CENPO: variants seen among roughly 807,000 people sequenced by gnomAD.
CENPO encodes centromere protein O.
A neutral mutation model predicts 36.1 loss-of-function variants in CENPO; 30 were observed. That is an observed-to-expected ratio of 0.83 (90% confidence interval 0.62 to 1.13). The LOEUF is 1.13. CENPO is among the 50% of genes most tolerant of loss of function. The pLI, the probability that CENPO is intolerant of heterozygous loss-of-function variation, is 0.00. For missense variants in CENPO, 349 were observed against 357.8 expected (o/e 0.98, Z 0.20); for synonymous variants, 171 against 142.3 (o/e 1.20, Z -1.44).
Position 24,820,168 on chromosome 2 carries a change from G to T in CENPO, c.*850G>T. ...GCGTTACGGGGGGAGCCTAGACTGAGGGCGGGTGGGGGCTTTGGGTGGTTG... is the reference window on the plus strand; with the variant it reads ...GCGTTACGGGGGGAGCCTAGACTGATGGCGGGTGGGGGCTTTGGGTGGTTG... On this transcript the variant is annotated 3_prime_UTR_variant, in exon 8 of 8. Coordinates refer to ENST00000380834, the MANE Select transcript of CENPO (RefSeq NM_001322101.2). 1.5e-6 allele frequency: 2 copies of T among 1,328,632 alleles called. No homozygotes were observed. The highest frequency in any genetic ancestry group is 2.4e-5 in the Admixed American group (1 of 42,356). The allele number at this position is 1,328,632 out of a possible 1,614,324, so 82.3% of individuals were successfully genotyped here.
chr2:24,818,106 T>G (rs1369247878), intron 7 of CENPO, among the ~76,000 whole-genome samples: 1 of 152,084 alleles, frequency 6.6e-6, no homozygotes, highest in Non-Finnish European at 1.5e-5. Flanking sequence ...TTGAAAAAGG[T>G]GTATCACTCA....
chr2:24,799,258 A>C (rs1016807775), intron 2 of CENPO, among the ~76,000 whole-genome samples: 10 of 152,120 alleles, frequency 6.6e-5, no homozygotes, highest in Admixed American at 1.3e-4. Context: ...TTGGCCCCCC[A>C]GAGTGCTAAG....
Position 24,820,150 on chromosome 2 carries a change from G to T in CENPO, c.*832G>T, listed in dbSNP as rs191188377. On this transcript the variant is annotated 3_prime_UTR_variant, in exon 8 of 8. Transcript: ENST00000380834. ...AGGGGGAGCAAGAACGTGGCGTTAC[G>T]GGGGGAGCCTAGACTGAGGGCGGGT... 3 of 1,505,800 alleles carry T rather than the reference G, an allele frequency of 2.0e-6. No individual in the cohort carries two copies. The highest frequency in any genetic ancestry group is 1.8e-4 in the Middle Eastern group (1 of 5,440). The allele number at this position is 1,505,800 out of a possible 1,614,324, so 93.3% of individuals were successfully genotyped here.
chr2:24,807,193 A>G (rs1283456779), intron 3 of CENPO, among the ~76,000 whole-genome samples: 2 of 151,732 alleles, frequency 1.3e-5, no homozygotes, highest in Admixed American at 1.3e-4. Context: ...TTAAAGTGTA[A>G]TATATATGAA....
intron 2 of CENPO, among the ~76,000 whole-genome samples, chr2:24,795,244 T>C (rs1228742835): frequency 6.6e-6 from 1 of 152,200 alleles, no homozygotes; most frequent in Non-Finnish European, 1.5e-5. Context: ...CACTTAGCTG[T>C]TACCCATACT....
chr2:24,793,459 G>T lies in CENPO; in HGVS notation c.-111G>T. ...AAGCACGCCGGGACCGGTTGGTTTG[G>T]TTTTGAAGACGTGGATGGCGGGAAT... On this transcript the variant is annotated 5_prime_UTR_variant, in exon 1 of 8. Coordinates refer to ENST00000380834, the MANE Select transcript of CENPO (RefSeq NM_001322101.2). 6.2e-7 allele frequency: 1 copy of T among 1,605,414 alleles called. No homozygotes were observed. The highest frequency in any genetic ancestry group is 8.5e-7 in the Non-Finnish European group (1 of 1,175,680).
At chr2:24,813,205 C>G (rs985952443) in intron 3 of CENPO, among the ~76,000 whole-genome samples, 1 of 152,066 alleles carries the variant, frequency 6.6e-6, no homozygotes, top group Non-Finnish European at 1.5e-5. Flanking sequence ...GAGATTGTGC[C>G]ATTGCACTCC....
At chr2:24,800,448 G>C (rs544620261) in intron 3 of CENPO, among the ~76,000 whole-genome samples, 19 of 151,848 alleles carry the variant, frequency 1.3e-4, no homozygotes, top group African/African-American at 4.3e-4. Flanking sequence ...TTAACATTAG[G>C]TGTATCTCCT....
chr2:24,820,540 G>T lies in CENPO; in HGVS notation c.*1222G>T, dbSNP rs987051211. The T allele has an allele frequency of 2.2e-5, 31 of 1,403,494 alleles. No homozygotes were observed. In the African/African-American group the frequency reaches 3.9e-4, roughly 18 times the overall value. 86.9% of individuals were successfully genotyped at this position (1,403,494 alleles called of 1,614,324 possible). A position where few individuals can be genotyped will look rare whatever the true frequency, so the allele number is the denominator to read the frequency against. On this transcript the variant is annotated 3_prime_UTR_variant, in exon 8 of 8. Coordinates refer to ENST00000380834, the MANE Select transcript of CENPO (RefSeq NM_001322101.2). ...TTCAGCCCAGATTTTGTGGATGGGTGGAAGTGTTTCTTCCTGTGCTGAGGC... is the reference window on the plus strand; with the variant it reads ...TTCAGCCCAGATTTTGTGGATGGGTTGAAGTGTTTCTTCCTGTGCTGAGGC...
rs70947848 is a variant in CENPO, at chr2:24,811,282, C to CT, written c.217-3077dup. 3.2e-4 allele frequency among the ~76,000 whole-genome samples: 34 copies of CT among 105,550 alleles called. 1 individual carries two copies. Among genetic ancestry groups the CT allele is most frequent in the African/African-American group, 7.6e-4 (20 of 26,378 alleles). 69.2% of individuals were successfully genotyped at this position (105,550 alleles called of 152,430 possible). A position where few individuals can be genotyped will look rare whatever the true frequency, so the allele number is the denominator to read the frequency against. On this transcript the variant is annotated intron_variant, in intron 3 of 7. Coordinates refer to ENST00000380834, the MANE Select transcript of CENPO (RefSeq NM_001322101.2). ...TTAATTGGAGTATTTAGTCCATGAA[C>CT]TTTTTTTTTTTTTTTTTGAGACGGA...
chr2:24,807,642 A>G (rs1666480199), intron 3 of CENPO, among the ~76,000 whole-genome samples: 1 of 152,178 alleles, frequency 6.6e-6, no homozygotes, highest in Non-Finnish European at 1.5e-5. Context: ...ATATACACTT[A>G]TATATTGGGT....
chr2:24,817,813 G>A lies in CENPO; in HGVS notation c.*7G>A. The A allele has an allele frequency of 6.2e-7, 1 of 1,614,106 alleles. No individual in the cohort carries two copies. Among genetic ancestry groups the A allele is most frequent in the South Asian group, 1.1e-5 (1 of 91,080 alleles). Reference sequence around the variant, plus strand: ...TATGAGTCTGGTCTCCTAATAGATTGTTTTCACTGCACTGGGAGCACATCA... The same window carrying A: ...TATGAGTCTGGTCTCCTAATAGATTATTTTCACTGCACTGGGAGCACATCA... On this transcript the variant is annotated 3_prime_UTR_variant, in exon 7 of 8. Coordinates refer to ENST00000380834, the MANE Select transcript of CENPO (RefSeq NM_001322101.2).
intron 4 of CENPO, 31 bp from the exon 5 acceptor site, chr2:24,815,466 G>C (rs762036539): frequency 1.2e-6 from 2 of 1,605,646 alleles, no homozygotes; most frequent in Non-Finnish European, 1.7e-6. Flanking sequence ...TTGGCCTGCT[G>C]TCTATTGAGG....
intron 2 of CENPO, 124 bp downstream of exon 2, chr2:24,794,089 A>G (rs1429307866): frequency 3.8e-6 from 3 of 783,390 alleles, no homozygotes; most frequent in Non-Finnish European, 4.5e-6. Context: ...AGTGAAAGGA[A>G]CTAACATTGA....
rs1666175711 is a variant in CENPO, at chr2:24,801,763, TG to T, written c.216+1920del. ...TATAGTTTGAAGTCAGGTAGGGTGA[TG>T]CCTCCAGCTTTGTTCTTTTGGCATG... On this transcript the variant is annotated intron_variant, in intron 3 of 7. Coordinates refer to ENST00000380834, the MANE Select transcript of CENPO (RefSeq NM_001322101.2). Among the ~76,000 whole-genome samples the T allele has an allele frequency of 2.6e-5, 4 of 152,234 alleles. No individual in the cohort carries two copies. The South Asian group carries it at 6.2e-4, about 24-fold the overall frequency.
rs199681196 is a variant in CENPO at position 24,820,112 on chromosome 2, C to G, written c.*794C>G. 1.6e-5 allele frequency: 25 copies of G among 1,541,706 alleles called. No individual in the cohort carries two copies. The highest frequency in any genetic ancestry group is 2.2e-5 in the Non-Finnish European group (25 of 1,143,638). ...GGAGGATGACTTGGGTTTCTTCTACCACCTGGAGAGGGAGGGGGAGCAAGA... is the reference window on the plus strand; with the variant it reads ...GGAGGATGACTTGGGTTTCTTCTACGACCTGGAGAGGGAGGGGGAGCAAGA... On this transcript the variant is annotated 3_prime_UTR_variant, in exon 8 of 8. Coordinates refer to ENST00000380834, the MANE Select transcript of CENPO (RefSeq NM_001322101.2).
chr2:24,820,347 A>G lies in CENPO; in HGVS notation c.*1029A>G. 1 of 1,334,930 alleles carries G rather than the reference A, an allele frequency of 7.5e-7. No homozygotes were observed. The highest frequency in any genetic ancestry group is 2.1e-5 in the South Asian group (1 of 46,682). The allele number at this position is 1,334,930 out of a possible 1,614,324, so 82.7% of individuals were successfully genotyped here. On this transcript the variant is annotated 3_prime_UTR_variant, in exon 8 of 8. Coordinates refer to ENST00000380834, the MANE Select transcript of CENPO (RefSeq NM_001322101.2). ...CCTCTCATCCAGAGACTTCTCTCCT[A>G]GGATGGCCATGGTCACCTGGGTGGC...
intron 3 of CENPO, among the ~76,000 whole-genome samples, chr2:24,808,932 T>C (rs1666553513): frequency 6.6e-6 from 1 of 152,144 alleles, no homozygotes; most frequent in Non-Finnish European, 1.5e-5. Flanking sequence ...AAATTGGTGT[T>C]ATTTTTTCTT....
Position 24,821,530 on chromosome 2 carries a change from G to A in CENPO, c.*2212G>A, listed in dbSNP as rs1483615736. 2.5e-6 allele frequency: 4 copies of A among 1,614,050 alleles called. No homozygotes were observed. Among genetic ancestry groups the A allele is most frequent in the Middle Eastern group, 1.6e-4 (1 of 6,080 alleles). On this transcript the variant is annotated 3_prime_UTR_variant, in exon 8 of 8. Transcript: ENST00000380834. ...GGGGGTGCTCACCTATGCGCAGCAT[G>A]AAGTTATTGAAGGACTGGTTGTTGA... is the stretch of plus-strand genomic sequence containing the variant.
Sources: allele counts gnomAD v4.1 joint callset (sites outside exome capture counted in the v4.1 genomes callset), GRCh38; gene constraint gnomAD v4.1.1; transcripts MANE v1.5; gene names NCBI Gene and HGNC (gene_info 2026-07-23, HGNC 2026-07-21).